The following SLC4A4 variants were observed in gnomAD, a reference collection of about 807,000 sequenced individuals.
SLC4A4 encodes the protein electrogenic sodium bicarbonate cotransporter 1.
In SLC4A4, 27 loss-of-function variants were observed where a neutral mutation model predicts 111.5. The ratio of observed to expected loss-of-function variants is 0.24; its 90% CI spans 0.18 to 0.33. SLC4A4 has a LOEUF of 0.33. SLC4A4 is among the 10% of genes least tolerant of loss of function. SLC4A4 has a pLI of 1.00. For missense variants in SLC4A4, 909 were observed against 1,315.5 expected (o/e 0.69, Z 4.78); for synonymous variants, 443 against 463.4 (o/e 0.96, Z 0.57).
At chr4:71,390,672 A>G (rs1007463492) in intron 6 of SLC4A4, among the ~76,000 whole-genome samples, 30 of 152,276 alleles carry the variant, frequency 2.0e-4, no homozygotes, top group African/African-American at 6.7e-4. Flanking sequence ...GTTATTCTGC[A>G]CATAATTGGC....
intron 6 of SLC4A4, among the ~76,000 whole-genome samples, chr4:71,368,539 C>T (rs1306375780): frequency 6.6e-6 from 1 of 152,164 alleles, no homozygotes; most frequent in African/African-American, 2.4e-5. Flanking sequence ...GTTGCTTTCT[C>T]CATTTGTGCA....
chr4:71,169,338 C>T (rs906432481), intron 2 of SLC4A4, among the ~76,000 whole-genome samples: 1 of 151,794 alleles, frequency 6.6e-6, no homozygotes, highest in Admixed American at 6.6e-5. Flanking sequence ...TTTTGAGGAA[C>T]CTCTAAACTG....
chr4:71,354,846 A>C (rs1179400076), intron 5 of SLC4A4, among the ~76,000 whole-genome samples: 1 of 152,178 alleles, frequency 6.6e-6, no homozygotes, highest in African/African-American at 2.4e-5. Context: ...TCTCATCTGC[A>C]TAGCAAGAGG....
At chr4:71,107,508 G>A (rs1234446809) in intron 2 of SLC4A4, among the ~76,000 whole-genome samples, 10 of 151,678 alleles carry the variant, frequency 6.6e-5, no homozygotes, top group African/African-American at 1.2e-4. Flanking sequence ...CACCATGCCC[G>A]GCTAATTTTT....
chr4:71,177,724 A>C (rs993993905), intron 2 of SLC4A4, among the ~76,000 whole-genome samples: 1 of 152,192 alleles, frequency 6.6e-6, no homozygotes, highest in Non-Finnish European at 1.5e-5. Flanking sequence ...CCACACAATA[A>C]TAATGTGAGA....
At chr4:71,340,132 G>A (rs1216126238) in intron 4 of SLC4A4, among the ~76,000 whole-genome samples, 1 of 152,134 alleles carries the variant, frequency 6.6e-6, no homozygotes, top group Non-Finnish European at 1.5e-5. Context: ...GCTGAAGTAG[G>A]AGGCTCACTT....
intron 15 of SLC4A4, among the ~76,000 whole-genome samples, chr4:71,493,103 T>C (rs1215636442): frequency 4.6e-5 from 7 of 151,990 alleles, no homozygotes; most frequent in Non-Finnish European, 8.8e-5. Flanking sequence ...ATTTTCTAGA[T>C]GTGACTGTTA....
intron 2 of SLC4A4, among the ~76,000 whole-genome samples, chr4:71,152,017 C>G (rs1744325164): frequency 6.6e-6 from 1 of 151,514 alleles, no homozygotes; most frequent in South Asian, 2.1e-4. Flanking sequence ...GAGCAAAACC[C>G]TCTCAAAAAA....
intron 3 of SLC4A4, among the ~76,000 whole-genome samples, chr4:71,333,231 A>G (rs759239821): frequency 2.3e-4 from 35 of 152,234 alleles, no homozygotes; most frequent in Non-Finnish European, 4.4e-4. Context: ...CGCTGCAGCC[A>G]TGTCTGCGTT....
chr4:71,135,474 T>C (rs574152792), intron 2 of SLC4A4, among the ~76,000 whole-genome samples: 30 of 152,130 alleles, frequency 2.0e-4, no homozygotes, highest in Non-Finnish European at 3.8e-4. Flanking sequence ...TTTTGGATTT[T>C]TAGTAGAGAT....
intron 3 of SLC4A4, among the ~76,000 whole-genome samples, chr4:71,334,419 T>C (rs1240751531): frequency 6.6e-6 from 1 of 151,990 alleles, no homozygotes; most frequent in African/African-American, 2.4e-5. Flanking sequence ...CTCTTCCCTC[T>C]ACTCTCCTCA....
chr4:71,354,418 C>T lies in SLC4A4; in HGVS notation c.551-2590C>T, dbSNP rs149174382. Among the ~76,000 whole-genome samples the T allele has an allele frequency of 3.9e-3, 599 of 152,140 alleles. 4 individuals are homozygous for T. Among genetic ancestry groups the T allele is most frequent in the African/African-American group, 0.013 (559 of 41,508 alleles). ...AATGCATGTTCATTTTTAAATAACCCGGAACATATTACAGAGCTTTTGTAA... is the reference window on the plus strand; with the variant it reads ...AATGCATGTTCATTTTTAAATAACCTGGAACATATTACAGAGCTTTTGTAA... On this transcript the variant is annotated intron_variant, in intron 5 of 25. Coordinates refer to ENST00000264485, the MANE Select transcript of SLC4A4 (RefSeq NM_001098484.3).
chr4:71,192,366 T>G (rs1384037216), intron 1 of SLC4A4, among the ~76,000 whole-genome samples: 2 of 152,218 alleles, frequency 1.3e-5, no homozygotes, highest in African/African-American at 4.8e-5. Context: ...ACTTTACTCC[T>G]AGGACATCCC....
intron 16 of SLC4A4, among the ~76,000 whole-genome samples, chr4:71,514,701 T>G (rs931008062): frequency 1.3e-5 from 2 of 152,204 alleles, no homozygotes; most frequent in African/African-American, 2.4e-5. Flanking sequence ...GATTTTCTAT[T>G]TCTTACTGAT....
intron 22 of SLC4A4, 32 bp downstream of exon 22, chr4:71,557,917 A>G (rs1490944424): frequency 6.5e-7 from 1 of 1,531,514 alleles, no homozygotes; most frequent in African/African-American, 1.4e-5. Flanking sequence ...CGTACCTGTG[A>G]GATTATATGA....
intron 25 of SLC4A4, among the ~76,000 whole-genome samples, chr4:71,567,431 A>T (rs570664917): frequency 1.3e-5 from 2 of 151,706 alleles, no homozygotes; most frequent in African/African-American, 4.8e-5. Context: ...AGTTCTAGGG[A>T]TTTCAGATTC....
intron 2 of SLC4A4, among the ~76,000 whole-genome samples, chr4:71,161,066 G>C (rs1453379073): frequency 1.3e-5 from 2 of 152,178 alleles, no homozygotes; most frequent in Admixed American, 1.3e-4. Context: ...TCTGCTGAGG[G>C]CCAGAGGGCG....
intron 18 of SLC4A4, among the ~76,000 whole-genome samples, chr4:71,536,072 A>G (rs548861249): frequency 6.6e-6 from 1 of 152,194 alleles, no homozygotes; most frequent in African/African-American, 2.4e-5. Flanking sequence ...TTTTAATTCT[A>G]AGATCATTGA....
chr4:71,351,330 A>G (rs1235883898), intron 5 of SLC4A4, among the ~76,000 whole-genome samples: 1 of 152,182 alleles, frequency 6.6e-6, no homozygotes, highest in African/African-American at 2.4e-5. Context: ...GAACTAGACT[A>G]CTTCTCTTCT....
Sources: allele counts gnomAD v4.1 joint callset (sites outside exome capture counted in the v4.1 genomes callset), GRCh38; gene constraint gnomAD v4.1.1; transcripts MANE v1.5; gene names NCBI Gene and HGNC (gene_info 2026-07-23, HGNC 2026-07-21).